Variants in IFT74 observed in about 807,000 individuals in gnomAD.
The protein encoded by IFT74 is intraflagellar transport 74.
In IFT74, 92 loss-of-function variants were observed where a neutral mutation model predicts 96.7. That is an observed-to-expected ratio of 0.95 (90% CI 0.80 to 1.13). The LOEUF is 1.13. Among genes scored for constraint, IFT74 ranks in the 50% most tolerant of loss-of-function variants. The pLI is 0.00. For missense variants in IFT74, 811 were observed against 698.2 expected, an observed-to-expected ratio of 1.16 and a Z score of -1.82; for synonymous variants, 223 against 213.2, an observed-to-expected ratio of 1.05 and a Z score of -0.40.
intron 19 of IFT74, 147 bp from the exon 20 acceptor site, chr9:27,062,470 CT>C (rs757439585): frequency 1.9e-6 from 1 of 517,164 alleles, no homozygotes; most frequent in Non-Finnish European, 3.4e-6. Flanking sequence ...GATGCTTAAT[CT>C]GTTAAAATGA....
In IFT74 at chr9:27,055,710, A is replaced by G. The variant is rs539904016; in HGVS notation, c.1435A>G (p.Thr479Ala). ...SLKSKIKQMT[T>A]DLEIYNDLPA... ...AAAAAGCAAAATTAAGCAAATGACA[A>G]CTGATCTGGAGATATATAATGATTT... Residue 479 changes from threonine to alanine, a missense_variant, in exon 17 of 20, where the codon ACT (threonine) becomes GCT (alanine). Physicochemically the swap from Thr to Ala is moderately conservative, Grantham distance 58. Transcript: ENST00000380062. The G allele has an allele frequency of 1.3e-6, 2 of 1,594,130 alleles. No individual in the cohort carries two copies. Among genetic ancestry groups the G allele is most frequent in the Non-Finnish European group, 1.7e-6 (2 of 1,172,692 alleles).
Position 26,984,359 on chromosome 9 carries a change from A to G in IFT74, c.404+4A>G. 6.3e-7 allele frequency: 1 copy of G among 1,582,342 alleles called. No individual in the cohort carries two copies. The highest frequency in any genetic ancestry group is 8.6e-7 in the Non-Finnish European group (1 of 1,162,700). ...TATATTTGTCATATGAAAAGAGGTG[A>G]GTAATAAGTATTCAGTATTCATTCA... On this transcript the variant is annotated splice_donor_region_variant and intron_variant, in intron 5 of 19. Coordinates refer to ENST00000380062, the MANE Select transcript of IFT74 (RefSeq NM_025103.4).
At chr9:27,009,433 A>G (rs1828943004) in intron 9 of IFT74, among the ~76,000 whole-genome samples, 1 of 152,218 alleles carries the variant, frequency 6.6e-6, no homozygotes, top group Admixed American at 6.5e-5. Flanking sequence ...TCATAAAGAC[A>G]TGAAAATACT....
At position 26,982,355 on chromosome 9, in the gene IFT74, C is replaced by G. The variant is rs560093547; in HGVS notation, c.305+1736C>G. Reference sequence around the variant, plus strand: ...CTCACGTCACTGCAACTTCCACCGCCTGGATTCAAGTGATTCTCTTGCCTC... The same window carrying G: ...CTCACGTCACTGCAACTTCCACCGCGTGGATTCAAGTGATTCTCTTGCCTC... On this transcript the variant is annotated intron_variant, in intron 4 of 19. Transcript: ENST00000380062. The G allele has an allele frequency of 2.4e-4, 106 of 444,766 alleles. 2 individuals are homozygous for G. The highest frequency in any genetic ancestry group is 1.6e-3 in the South Asian group (104 of 63,126). 27.6% of individuals were successfully genotyped at this position (444,766 alleles called of 1,614,324 possible).
intron 1 of IFT74, among the ~76,000 whole-genome samples, chr9:26,958,682 T>C (rs1826222626): frequency 1.3e-5 from 2 of 152,202 alleles, no homozygotes; most frequent in African/African-American, 2.4e-5. Flanking sequence ...GGATTACATA[T>C]GTTTATTTTG....
At chr9:27,027,500 T>C (rs945338632) in intron 12 of IFT74, among the ~76,000 whole-genome samples, 10 of 152,186 alleles carry the variant, frequency 6.6e-5, no homozygotes, top group Admixed American at 5.2e-4. Flanking sequence ...TTTTCTATTA[T>C]AGCCATTCCT....
intron 18 of IFT74, among the ~76,000 whole-genome samples, chr9:27,060,292 G>C (rs1303762701): frequency 6.6e-6 from 1 of 151,998 alleles, no homozygotes; most frequent in Non-Finnish European, 1.5e-5. Context: ...TCTTTTAAAA[G>C]TTTTTTTAGG....
intron 1 of IFT74, among the ~76,000 whole-genome samples, chr9:26,948,777 A>G (rs1825844143): frequency 6.6e-6 from 1 of 151,976 alleles, no homozygotes; most frequent in Admixed American, 6.6e-5. Flanking sequence ...TTCCATTCTT[A>G]TAGTACAGCA....
chr9:27,026,324 T>C (rs964457936), intron 12 of IFT74, among the ~76,000 whole-genome samples: 3 of 152,082 alleles, frequency 2.0e-5, no homozygotes, highest in Admixed American at 2.0e-4. Flanking sequence ...AGCTCCCAAA[T>C]GTAAAAAACA....
intron 13 of IFT74, among the ~76,000 whole-genome samples, chr9:27,032,339 C>T (rs7857447): frequency 0.09 from 13,752 of 151,966 alleles, 1,698 homozygotes; most frequent in East Asian, 0.66. Flanking sequence ...GTGGGGTTTG[C>T]GGGAGGATCA....
At chr9:27,027,334 A>C (rs2131639433) in intron 12 of IFT74, among the ~76,000 whole-genome samples, 1 of 152,216 alleles carries the variant, frequency 6.6e-6, no homozygotes, top group Admixed American at 6.5e-5. Context: ...AAAAATTGCC[A>C]ACAAAAAGTC....
upstream of IFT74, among the ~76,000 whole-genome samples, chr9:26,954,970 T>A (rs1029025829): frequency 6.6e-6 from 1 of 152,106 alleles, no homozygotes; most frequent in Non-Finnish European, 1.5e-5. Flanking sequence ...TATTCCTTTT[T>A]CATCATGAAA....
rs71841244 is a variant in IFT74 at position 26,948,448 on chromosome 9, ATTTTT to A, written c.-20+1338_-20+1342del. On this transcript the variant is annotated intron_variant, in intron 1 of 19. Transcript: ENST00000433700. ...TGACAACCTGTGATGGCTTTCCATT[ATTTTT>A]TTTTTTTTTTTTTTTTTTTTTTTTT... Among the ~76,000 whole-genome samples, 499 of 58,928 alleles carry A rather than the reference ATTTTT, an allele frequency of 8.5e-3. 8 individuals are homozygous for A. The highest frequency in any genetic ancestry group is 0.015 in the Middle Eastern group (1 of 68). 38.7% of individuals were successfully genotyped at this position (58,928 alleles called of 152,430 possible). A position where few individuals can be genotyped will look rare whatever the true frequency, so the allele number is the denominator to read the frequency against.
At chr9:27,009,287 A>G in intron 9 of IFT74, 129 bp downstream of exon 9, 1 of 737,168 alleles carries the variant, frequency 1.4e-6, no homozygotes, top group South Asian at 2.6e-5. Context: ...CATTTTAACA[A>G]GGTCCCCATC....
chr9:26,990,928 A>G (rs921894970), intron 8 of IFT74, among the ~76,000 whole-genome samples: 18 of 152,184 alleles, frequency 1.2e-4, no homozygotes, highest in African/African-American at 4.1e-4. Context: ...AACCAACACA[A>G]ATTTTATTCC....
At chr9:27,002,017 G>C (rs752027258) in intron 8 of IFT74, among the ~76,000 whole-genome samples, 4 of 151,934 alleles carry the variant, frequency 2.6e-5, no homozygotes, top group Non-Finnish European at 5.9e-5. Context: ...ACGTCTGGGG[G>C]GTCCTCAGGA....
rs560657666 is a variant in IFT74, at chr9:26,950,919, G to C, written c.-20+3773G>C. Among the ~76,000 whole-genome samples, 3 of 152,256 alleles carry C rather than the reference G, an allele frequency of 2.0e-5. No individual in the cohort carries two copies. The South Asian group carries it at 6.2e-4, about 32-fold the overall frequency. On this transcript the variant is annotated intron_variant, in intron 1 of 19. Coordinates refer to the IFT74 transcript ENST00000433700. ...CTAAAATTCTATGAACACTAAATTG[G>C]GTTCTTGATACTTTAAAAATAATTT... is the stretch of plus-strand genomic sequence containing the variant.
At chr9:26,965,293 G>A (rs1226991490) in intron 2 of IFT74, among the ~76,000 whole-genome samples, 2 of 152,026 alleles carry the variant, frequency 1.3e-5, no homozygotes, top group Non-Finnish European at 2.9e-5. Flanking sequence ...AGGTGCAGAG[G>A]GCCAATACTC....
intron 8 of IFT74, chr9:26,994,538 A>G (rs1345436375): frequency 6.9e-6 from 1 of 144,394 alleles, no homozygotes; most frequent in African/African-American, 2.6e-5. Context: ...CTTTGTCTCA[A>G]AAAAAAAAAA....
Sources: gnomAD v4.1 joint callset for allele counts (sites outside exome capture counted in the v4.1 genomes callset) on GRCh38, gnomAD v4.1.1 for gene constraint, MANE v1.5 for transcripts, NCBI Gene and HGNC (gene_info 2026-07-23, HGNC 2026-07-21) for gene names.